ERBIN: variants seen among roughly 807,000 people sequenced by gnomAD.
ERBIN encodes the protein densin-180-like protein.
A neutral mutation model predicts 158.4 loss-of-function variants in ERBIN; 60 were observed. The ratio of observed to expected loss-of-function variants is 0.38; its 90% CI spans 0.31 to 0.47. ERBIN has a LOEUF of 0.47. ERBIN is among the 20% of genes least tolerant of loss of function. The pLI is 0.99. For missense variants in ERBIN, 1,610 were observed against 1,648.0 expected, an observed-to-expected ratio of 0.98 and a Z score of 0.40; for synonymous variants, 594 against 557.2, an observed-to-expected ratio of 1.07 and a Z score of -0.93.
chr5:66,031,146 A>T (rs1255856881), intron 14 of ERBIN, among the ~76,000 whole-genome samples: 1 of 152,206 alleles, frequency 6.6e-6, no homozygotes, highest in Non-Finnish European at 1.5e-5. Flanking sequence ...AAAGAATGAC[A>T]TGTAGAGGAG....
chr5:65,930,220 T>C (rs1743199681), intron 1 of ERBIN, among the ~76,000 whole-genome samples: 1 of 152,200 alleles, frequency 6.6e-6, no homozygotes, highest in African/African-American at 2.4e-5. Flanking sequence ...TCTGATCTTA[T>C]TTTATTAGCC....
chr5:66,004,435 G>A (rs539887743), intron 4 of ERBIN, among the ~76,000 whole-genome samples: 63 of 152,260 alleles, frequency 4.1e-4, no homozygotes, highest in Non-Finnish European at 7.2e-4. Context: ...CAGAATCTCC[G>A]TCACCCAGGC....
chr5:65,948,133 G>T (rs1345540880), intron 1 of ERBIN, among the ~76,000 whole-genome samples: 1 of 151,906 alleles, frequency 6.6e-6, no homozygotes, highest in African/African-American at 2.4e-5. Context: ...TAGCTGTCAA[G>T]ATCTTTTTCA....
chr5:66,010,273 C>A (rs903457451), intron 4 of ERBIN, among the ~76,000 whole-genome samples: 12 of 151,956 alleles, frequency 7.9e-5, no homozygotes, highest in Non-Finnish European at 1.8e-4. Flanking sequence ...TGATTAAATT[C>A]AGGTTGTGTG....
chr5:66,004,908 G>A (rs1327956955), intron 4 of ERBIN, among the ~76,000 whole-genome samples: 2 of 152,174 alleles, frequency 1.3e-5, no homozygotes, highest in Non-Finnish European at 2.9e-5. Flanking sequence ...AGCAAGATGG[G>A]AGTGCAATAG....
At position 66,074,349 on chromosome 5, in the gene ERBIN, GTTTAC is replaced by G. The variant is rs950712333; in HGVS notation, c.3757-670_3757-666del. On this transcript the variant is annotated intron_variant, in intron 22 of 25. Coordinates refer to ENST00000284037, the MANE Select transcript of ERBIN (RefSeq NM_001253697.2). ...AACTAATAATTTAAATTTTTTTGCT[GTTTAC>G]TTTATGAATAGGGTAGAATGTCAAC... is the stretch of plus-strand genomic sequence containing the variant. 1.3e-4 allele frequency among the ~76,000 whole-genome samples: 20 copies of G among 150,180 alleles called. No individual in the cohort carries two copies. In the East Asian group the frequency reaches 1.4e-3, roughly 10 times the overall value.
In ERBIN at chr5:66,048,657, T is replaced by C; in HGVS notation, c.1789-10T>C. The C allele has an allele frequency of 6.3e-7, 1 of 1,576,084 alleles. No individual in the cohort carries two copies. The highest frequency in any genetic ancestry group is 8.7e-7 in the Non-Finnish European group (1 of 1,152,010). On this transcript the variant is annotated splice_polypyrimidine_tract_variant and intron_variant, in intron 18 of 25. Transcript: ENST00000284037. ...TTTAATTTTTATCCCCCTCACCCCCTTTTCACTAGGAATCTGAAGAACTTT... is the reference window on the plus strand; with the variant it reads ...TTTAATTTTTATCCCCCTCACCCCCCTTTCACTAGGAATCTGAAGAACTTT...
chr5:66,008,891 A>T (rs1016232256), intron 4 of ERBIN, among the ~76,000 whole-genome samples: 3 of 152,222 alleles, frequency 2.0e-5, no homozygotes, highest in Admixed American at 2.0e-4. Flanking sequence ...TCGGATCATT[A>T]CTTGAAAATC....
intron 1 of ERBIN, among the ~76,000 whole-genome samples, chr5:65,932,332 C>T (rs1227511877): frequency 2.0e-4 from 28 of 138,936 alleles, no homozygotes; most frequent in Non-Finnish European, 2.6e-4. Context: ...AGCAAGACTC[C>T]GTCTCAAAAA....
rs1235657440 is a variant in ERBIN, at chr5:66,004,342, TAAG to T, written c.308-7703_308-7701del. 4.6e-5 allele frequency among the ~76,000 whole-genome samples: 7 copies of T among 152,194 alleles called. No individual in the cohort carries two copies. The East Asian group carries it at 5.8e-4, about 13-fold the overall frequency. On this transcript the variant is annotated intron_variant, in intron 4 of 25. Transcript: ENST00000284037. The stretch of plus-strand genomic sequence containing the variant: ...AAAGAACAGATAGTTGACAGAGAAT[TAAG>T]AAGTAAATTGTGATAAAATTCAGTC...
rs762273947 is a variant in ERBIN, at chr5:66,025,551, G to A, written c.889G>A (p.Gly297Arg). 2.3e-5 allele frequency: 37 copies of A among 1,610,018 alleles called. 2 individuals are homozygous for A. In the South Asian group the frequency reaches 4.1e-4, roughly 18 times the overall value. ...QLMYLPDSIG[G>R]LISVEELDCS... is the part of the protein sequence containing the mutation. ...AATGTATCTGCCAGACTCTATAGGAGGGTAAGTTTTTTGTGAATGTATACA... is the reference window on the plus strand; with the variant it reads ...AATGTATCTGCCAGACTCTATAGGAAGGTAAGTTTTTTGTGAATGTATACA... Residue 297 changes from glycine to arginine, a missense_variant and splice_region_variant, in exon 11 of 26, where the codon GGG (glycine) becomes AGG (arginine). Gly to Arg is a moderately radical substitution (Grantham distance 125). This residue lies in a region of ERBIN where 596 missense variants were observed against 711.9 expected (regional missense o/e 0.84). Transcript: ENST00000284037.
chr5:66,002,177 G>A (rs1271166099), intron 4 of ERBIN, among the ~76,000 whole-genome samples: 2 of 152,108 alleles, frequency 1.3e-5, no homozygotes, highest in African/African-American at 2.4e-5. Flanking sequence ...ATATTCCATG[G>A]TGTATTATGT....
At chr5:66,015,579 C>T (rs1312750038) in intron 7 of ERBIN, among the ~76,000 whole-genome samples, 1 of 152,088 alleles carries the variant, frequency 6.6e-6, no homozygotes, top group African/African-American at 2.4e-5. Context: ...TACTGTCTGG[C>T]CCTTTACAGA....
chr5:66,038,118 A>C (rs940487561), intron 14 of ERBIN, among the ~76,000 whole-genome samples: 1 of 152,188 alleles, frequency 6.6e-6, no homozygotes, highest in South Asian at 2.1e-4. Flanking sequence ...TTAGTATATG[A>C]AATCTTTTAA....
rs991618105 is a variant in ERBIN, at chr5:66,023,744, C to T, written c.672+380C>T. On this transcript the variant is annotated intron_variant, in intron 9 of 25. Transcript: ENST00000284037. Reference sequence around the variant, plus strand: ...AGGCTGGAGTGCAGTGGTGCGATCTCGGCTCACTGCGAGCTCCGCCTCCTG... The same window carrying T: ...AGGCTGGAGTGCAGTGGTGCGATCTTGGCTCACTGCGAGCTCCGCCTCCTG... Among the ~76,000 whole-genome samples, 23 of 148,978 alleles carry T rather than the reference C, an allele frequency of 1.5e-4. 1 individual carries two copies. In the East Asian group the frequency reaches 2.8e-3, roughly 18 times the overall value.
At chr5:65,947,315 C>T (rs1745891950) in intron 1 of ERBIN, among the ~76,000 whole-genome samples, 1 of 152,164 alleles carries the variant, frequency 6.6e-6, no homozygotes, top group East Asian at 1.9e-4. Context: ...CTGCAACCTC[C>T]ACCTTCCTGG....
chr5:65,945,402 A>G (rs983673620), intron 1 of ERBIN, among the ~76,000 whole-genome samples: 8 of 152,200 alleles, frequency 5.3e-5, no homozygotes, highest in Non-Finnish European at 1.2e-4. Context: ...TGTTGATCAC[A>G]TGCCTGTAAT....
Position 66,028,360 on chromosome 5 carries a change from T to G in ERBIN, c.1206+17T>G, listed in dbSNP as rs1264024657. On this transcript the variant is annotated intron_variant, in intron 14 of 25. Transcript: ENST00000284037. Reference sequence around the variant, plus strand: ...GATAATCAGGTGGGCATTCTGATTTTATAAGTTAATGGAGTTCTTATTTGT... The same window carrying G: ...GATAATCAGGTGGGCATTCTGATTTGATAAGTTAATGGAGTTCTTATTTGT... 5 of 1,601,160 alleles carry G rather than the reference T, an allele frequency of 3.1e-6. No homozygotes were observed. The highest frequency in any genetic ancestry group is 4.3e-6 in the Non-Finnish European group (5 of 1,169,662).
rs1003121034 is a variant in ERBIN, at chr5:66,053,868, C to T, written c.2550C>T (p.Ser850=). 7 of 1,613,936 alleles carry T rather than the reference C, an allele frequency of 4.3e-6. No individual in the cohort carries two copies. Among genetic ancestry groups the T allele is most frequent in the Non-Finnish European group, 5.1e-6 (6 of 1,180,020 alleles). Residue 850 remains serine, a synonymous_variant, in exon 21 of 26, where the codon TCC becomes TCT. Transcript: ENST00000284037. ...ATTGTTCTGTTGACTTAGGTATTTC[C>T]AAAAGCACTGAAGATCTCTCCCCTC... The part of the protein sequence containing the change: ...DSDCSVDLGI[S]KSTEDLSPQK...
Sources: allele counts gnomAD v4.1 joint callset (sites outside exome capture counted in the v4.1 genomes callset), GRCh38; gene constraint gnomAD v4.1.1; regional missense constraint gnomAD v4.1.1; transcripts MANE v1.5; gene names NCBI Gene and HGNC (gene_info 2026-07-23, HGNC 2026-07-21).